CSMD1: variants seen among roughly 807,000 people sequenced by gnomAD.
CSMD1 encodes the protein CUB and sushi domain-containing protein 1.
In CSMD1, 213 loss-of-function variants were observed where a neutral mutation model predicts 417.5. The ratio of observed to expected loss-of-function variants is 0.51; its 90% CI spans 0.46 to 0.57. The LOEUF is 0.57. CSMD1 is among the 20% of genes least tolerant of loss of function. The pLI is 0.00. For synonymous variants in CSMD1, 2,862 were observed against 1,736.8 expected (o/e 1.65, Z -16.11); for missense variants, 6,923 against 4,529.7 (o/e 1.53, Z -15.17).
chr8:4,961,500 C>T (rs1809481648), intron 1 of CSMD1, among the ~76,000 whole-genome samples: 1 of 152,088 alleles, frequency 6.6e-6, no homozygotes, highest in South Asian at 2.1e-4. Context: ...TATTCAGCAC[C>T]AATAAGTATC....
chr8:3,451,381 G>C (rs1815701722), intron 12 of CSMD1, among the ~76,000 whole-genome samples: 1 of 152,140 alleles, frequency 6.6e-6, no homozygotes, highest in Non-Finnish European at 1.5e-5. Flanking sequence ...TAGACATGAA[G>C]TCCTTGCCCA....
chr8:3,583,297 T>G (rs767518121), intron 9 of CSMD1, among the ~76,000 whole-genome samples: 1 of 151,896 alleles, frequency 6.6e-6, no homozygotes, highest in Non-Finnish European at 1.5e-5. Context: ...GAAGCAAATG[T>G]GGGCACAGCT....
intron 10 of CSMD1, among the ~76,000 whole-genome samples, chr8:3,520,558 G>T (rs987243330): frequency 1.3e-5 from 2 of 152,074 alleles, no homozygotes; most frequent in Non-Finnish European, 2.9e-5. Context: ...ATCATTTCTA[G>T]AAGTGCGTAC....
intron 4 of CSMD1, among the ~76,000 whole-genome samples, chr8:4,011,430 C>G (rs920197174): frequency 6.6e-6 from 1 of 152,194 alleles, no homozygotes; most frequent in South Asian, 2.1e-4. Context: ...ATTCCTTTCA[C>G]TGCAACACGT....
intron 7 of CSMD1, among the ~76,000 whole-genome samples, chr8:3,626,200 G>A (rs1796485088): frequency 6.6e-6 from 1 of 152,202 alleles, no homozygotes; most frequent in African/African-American, 2.4e-5. Flanking sequence ...AATGCAGAGT[G>A]ACTGTCACCT....
intron 48 of CSMD1, among the ~76,000 whole-genome samples, chr8:3,090,316 CAAAAAAAA>C (rs35534326): frequency 0.16 from 13,106 of 80,442 alleles, 748 homozygotes; most frequent in African/African-American, 0.25. Context: ...GACTGTATTT[CAAAAAAAA>C]AAAAAAAAAA....
intron 15 of CSMD1, among the ~76,000 whole-genome samples, chr8:3,400,060 A>G (rs1263367419): frequency 1.3e-5 from 2 of 152,210 alleles, no homozygotes; most frequent in African/African-American, 2.4e-5. Context: ...CAAATTTGAT[A>G]AGTGTAGAAT....
At chr8:3,051,196 C>T (rs565411365) in intron 50 of CSMD1, among the ~76,000 whole-genome samples, 2 of 152,252 alleles carry the variant, frequency 1.3e-5, no homozygotes, top group African/African-American at 4.8e-5. Context: ...TGGAATCAAC[C>T]CAAATGCCCA....
At chr8:4,939,515 C>T (rs1203968915) in intron 1 of CSMD1, among the ~76,000 whole-genome samples, 1 of 152,254 alleles carries the variant, frequency 6.6e-6, no homozygotes, top group East Asian at 1.9e-4. Context: ...ATGAAACAGA[C>T]ATCACATTAA....
intron 18 of CSMD1, among the ~76,000 whole-genome samples, chr8:3,384,290 C>G (rs1381052010): frequency 6.6e-6 from 1 of 152,002 alleles, no homozygotes; most frequent in Non-Finnish European, 1.5e-5. Context: ...CAATGTGTAA[C>G]TTATTTCATG....
At chr8:4,489,522 T>A (rs1039760524) in intron 2 of CSMD1, among the ~76,000 whole-genome samples, 2 of 152,170 alleles carry the variant, frequency 1.3e-5, no homozygotes, top group African/African-American at 4.8e-5. Context: ...ATGTAAAGAA[T>A]TACTCTCAAT....
At chr8:3,058,606 C>A (rs889434013) in intron 49 of CSMD1, among the ~76,000 whole-genome samples, 1 of 152,138 alleles carries the variant, frequency 6.6e-6, no homozygotes, top group Non-Finnish European at 1.5e-5. Flanking sequence ...AATGTTTGTG[C>A]CACAACTTCT....
intron 2 of CSMD1, among the ~76,000 whole-genome samples, chr8:4,603,266 C>G (rs868155507): frequency 5.9e-5 from 9 of 151,956 alleles, no homozygotes; most frequent in African/African-American, 2.2e-4. Flanking sequence ...ATTTTTCATA[C>G]TCCTTTAATT....
chr8:3,184,451 T>C (rs919935413), intron 36 of CSMD1, among the ~76,000 whole-genome samples: 2 of 152,134 alleles, frequency 1.3e-5, no homozygotes, highest in African/African-American at 4.8e-5. Flanking sequence ...CCATGCAAAA[T>C]ATGACTGTGA....
chr8:4,005,890 T>C (rs1335395873), intron 4 of CSMD1, among the ~76,000 whole-genome samples: 1 of 152,174 alleles, frequency 6.6e-6, no homozygotes, highest in Non-Finnish European at 1.5e-5. Context: ...GCTGCCAAAA[T>C]CACTGGGAAT....
intron 9 of CSMD1, among the ~76,000 whole-genome samples, chr8:3,576,571 G>C (rs1453653487): frequency 6.6e-6 from 1 of 152,176 alleles, no homozygotes; most frequent in East Asian, 1.9e-4. Context: ...TGATAAGTGT[G>C]TTAAAATTAA....
At chr8:4,413,390 A>C (rs1159858830) in intron 3 of CSMD1, among the ~76,000 whole-genome samples, 3 of 152,186 alleles carry the variant, frequency 2.0e-5, no homozygotes, top group Non-Finnish European at 4.4e-5. Context: ...CAGGTAGCAC[A>C]TAAGCCTCGC....
At chr8:4,617,425 G>A (rs12541548) in intron 2 of CSMD1, among the ~76,000 whole-genome samples, 1 of 151,830 alleles carries the variant, frequency 6.6e-6, no homozygotes, top group Admixed American at 6.6e-5. Context: ...AAATATGCAA[G>A]GTAGTAGGAC....
At chr8:4,806,759 C>A (rs182947084) in intron 1 of CSMD1, among the ~76,000 whole-genome samples, 16 of 152,274 alleles carry the variant, frequency 1.1e-4, no homozygotes, top group Admixed American at 5.2e-4. Context: ...GAAAACCACC[C>A]ATTTGATCAC....
Sources: gnomAD v4.1 joint callset for allele counts (sites outside exome capture counted in the v4.1 genomes callset) on GRCh38, gnomAD v4.1.1 for gene constraint, MANE v1.5 for transcripts, NCBI Gene and HGNC (gene_info 2026-07-23, HGNC 2026-07-21) for gene names.